The following NEDD4 variants were observed in gnomAD, a reference collection of about 807,000 sequenced individuals.
The protein encoded by NEDD4 is NEDD4 E3 ubiquitin protein ligase.
In NEDD4, 99 loss-of-function variants were observed where a neutral mutation model predicts 144.9. The ratio of observed to expected loss-of-function variants is 0.68; its 90% CI spans 0.58 to 0.81. The LOEUF is 0.81. Among genes scored for constraint, NEDD4 ranks in the 30% least tolerant of loss-of-function variants. The probability of loss-of-function intolerance (pLI) is 0.00; values close to 1 mark genes in which losing one functional copy is unlikely to be tolerated. For synonymous variants in NEDD4, 318 were observed against 350.6 expected, an observed-to-expected ratio of 0.91 and a Z score of 1.04; for missense variants, 985 against 1,065.9, an observed-to-expected ratio of 0.92 and a Z score of 1.06.
intron 4 of NEDD4, among the ~76,000 whole-genome samples, chr15:55,925,595 G>A (rs1380415060): frequency 2.0e-5 from 3 of 151,996 alleles, no homozygotes; most frequent in African/African-American, 4.8e-5. Flanking sequence ...GGAATGTTTC[G>A]ATATCAAAAT....
chr15:55,920,330 G>A (rs1037204885), intron 5 of NEDD4, among the ~76,000 whole-genome samples: 6 of 152,068 alleles, frequency 3.9e-5, no homozygotes, highest in African/African-American at 1.4e-4. Context: ...GAGAAGCACA[G>A]GGTCTCCACC....
chr15:55,916,358 A>T (rs2036443884), intron 5 of NEDD4: 1 of 1,614,050 alleles, frequency 6.2e-7, no homozygotes, highest in African/African-American at 1.3e-5. Flanking sequence ...AAGACCCATT[A>T]TCACTGGTTG....
chr15:55,869,545 T>G (rs2034699180), intron 8 of NEDD4, 34 bp downstream of exon 8: 1 of 1,317,304 alleles, frequency 7.6e-7, no homozygotes, highest in African/African-American at 1.5e-5. Flanking sequence ...AATTAAAATT[T>G]TTTTAGTTTA....
At chr15:55,985,754 T>TACACACAC (rs1271882601) in intron 1 of NEDD4, among the ~76,000 whole-genome samples, 1 of 111,572 alleles carries the variant, frequency 9.0e-6, no homozygotes, top group East Asian at 3.3e-4. Context: ...GTGTGTAGAG[T>TACACACAC]ACACATACAC....
intron 25 of NEDD4, 40 bp downstream of exon 25, chr15:55,834,187 G>A: frequency 6.2e-7 from 1 of 1,605,698 alleles, no homozygotes; most frequent in Non-Finnish European, 8.5e-7. Flanking sequence ...AAAATAATGG[G>A]TTCACAATTT....
intron 5 of NEDD4, among the ~76,000 whole-genome samples, chr15:55,886,516 C>A (rs1350391735): frequency 6.6e-6 from 1 of 152,162 alleles, no homozygotes; most frequent in Non-Finnish European, 1.5e-5. Context: ...CCTCTAATCC[C>A]AGCACTTTGG....
Position 55,830,508 on chromosome 15 carries a change from G to T in NEDD4, c.2600+6C>A. The stretch of plus-strand genomic sequence containing the variant: ...TTGTTCTATCAAGGTCCAAACAACT[G>T]CTTACCAGGTATGAGCTCTTGGCAG... On this transcript the variant is annotated splice_donor_region_variant and intron_variant, in intron 28 of 28. Transcript: ENST00000435532. 1 of 1,613,182 alleles carries T rather than the reference G, an allele frequency of 6.2e-7. No homozygotes were observed.
At chr15:55,946,549 A>T (rs1238548934) in intron 4 of NEDD4, among the ~76,000 whole-genome samples, 1 of 152,174 alleles carries the variant, frequency 6.6e-6, no homozygotes, top group Non-Finnish European at 1.5e-5. Flanking sequence ...CTCCCACACA[A>T]TAATAACGGG....
chr15:55,940,705 T>C (rs193295159), intron 4 of NEDD4, among the ~76,000 whole-genome samples: 87 of 152,150 alleles, frequency 5.7e-4, no homozygotes, highest in African/African-American at 2.0e-3. Context: ...GAGGGTCGTT[T>C]TTTTTTGGTA....
intron 17 of NEDD4, among the ~76,000 whole-genome samples, chr15:55,847,401 T>C (rs1419054712): frequency 3.3e-5 from 5 of 152,192 alleles, no homozygotes; most frequent in African/African-American, 1.2e-4. Context: ...AAGCGTACTT[T>C]TTCCTTGAAC....
At chr15:55,863,452 G>C (rs1329907414) in intron 8 of NEDD4, among the ~76,000 whole-genome samples, 1 of 152,020 alleles carries the variant, frequency 6.6e-6, no homozygotes, top group East Asian at 1.9e-4. Context: ...TAACAAAAAA[G>C]TAATAAAAGT....
intron 4 of NEDD4, among the ~76,000 whole-genome samples, chr15:55,950,755 T>C (rs1455412901): frequency 1.3e-5 from 2 of 152,098 alleles, no homozygotes; most frequent in East Asian, 3.9e-4. Context: ...AAGGGGAATA[T>C]GGGGTCAAGG....
intron 4 of NEDD4, among the ~76,000 whole-genome samples, chr15:55,933,387 G>A (rs1021527820): frequency 3.3e-5 from 5 of 152,010 alleles, no homozygotes; most frequent in African/African-American, 1.2e-4. Flanking sequence ...TAGGGACATG[G>A]ATGAAGCTAG....
chr15:55,852,305 A>T (rs1292416102), intron 13 of NEDD4, 119 bp downstream of exon 13: 12 of 1,089,452 alleles, frequency 1.1e-5, no homozygotes, highest in African/African-American at 3.3e-5. Flanking sequence ...CAAAAAAATA[A>T]AAAAAAAAAA....
intron 18 of NEDD4, among the ~76,000 whole-genome samples, chr15:55,843,464 AC>A (rs1443709736): frequency 6.6e-6 from 1 of 152,224 alleles, no homozygotes; most frequent in Non-Finnish European, 1.5e-5. Flanking sequence ...TGACAAATGT[AC>A]ACAACTATGC....
chr15:55,982,533 AACAG>A (rs1409108639), intron 1 of NEDD4, among the ~76,000 whole-genome samples: 1 of 152,224 alleles, frequency 6.6e-6, no homozygotes, highest in African/African-American at 2.4e-5. Context: ...GAAGTTCTAG[AACAG>A]ACAAAAGTAA....
At chr15:55,958,898 G>A (rs1419116000) in intron 2 of NEDD4, among the ~76,000 whole-genome samples, 3 of 134,204 alleles carry the variant, frequency 2.2e-5, no homozygotes, top group Non-Finnish European at 4.9e-5. Context: ...AGTAATTAGT[G>A]CCTTCTCTCT....
intron 5 of NEDD4, among the ~76,000 whole-genome samples, chr15:55,914,938 T>C (rs1443700493): frequency 1.3e-5 from 2 of 152,016 alleles, no homozygotes; most frequent in East Asian, 1.9e-4. Flanking sequence ...TACTATATCA[T>C]TTAAAGGAAA....
chr15:55,907,927 C>A (rs532641881), intron 5 of NEDD4, among the ~76,000 whole-genome samples: 4 of 152,300 alleles, frequency 2.6e-5, no homozygotes, highest in Non-Finnish European at 5.9e-5. Context: ...ATGAATCAGA[C>A]TCCACTGTGG....
Sources: gnomAD v4.1 joint callset for allele counts (sites outside exome capture counted in the v4.1 genomes callset) on GRCh38, gnomAD v4.1.1 for gene constraint, MANE v1.5 for transcripts, NCBI Gene and HGNC (gene_info 2026-07-23, HGNC 2026-07-21) for gene names.